Variants in TRPM1 observed in about 807,000 individuals in gnomAD.
The protein encoded by TRPM1 is transient receptor potential cation channel subfamily M member 1.
In TRPM1, 113 loss-of-function variants were observed where a neutral mutation model predicts 149.4. That is an observed-to-expected ratio of 0.76 (90% CI 0.65 to 0.88). The LOEUF (loss-of-function observed/expected upper bound fraction) is 0.88. Among genes scored for constraint, TRPM1 ranks in the 40% least tolerant of loss-of-function variants. The pLI is 0.00. For synonymous variants in TRPM1, 741 were observed against 759.5 expected, an observed-to-expected ratio of 0.98 and a Z score of 0.40; for missense variants, 1,976 against 2,038.7, an observed-to-expected ratio of 0.97 and a Z score of 0.59.
chr15:31,104,876 G>C (rs572588141), upstream of TRPM1, among the ~76,000 whole-genome samples: 17 of 152,164 alleles, frequency 1.1e-4, no homozygotes, highest in South Asian at 2.1e-4. Flanking sequence ...TTACAGGTGT[G>C]AGCCACCATG....
chr15:31,124,272 G>A (rs775632456), intron 1 of TRPM1, among the ~76,000 whole-genome samples: 5 of 151,342 alleles, frequency 3.3e-5, no homozygotes, highest in Non-Finnish European at 7.4e-5. Context: ...ATGACAGAGT[G>A]AGACTCCGTC....
intron 2 of TRPM1, among the ~76,000 whole-genome samples, chr15:31,078,312 G>A (rs975782907): frequency 7.9e-5 from 12 of 152,124 alleles, no homozygotes; most frequent in African/African-American, 2.7e-4. Flanking sequence ...GAGGCCCTCC[G>A]CAGAGAGGTC....
At chr15:31,127,158 T>C (rs567417542) in intron 1 of TRPM1, among the ~76,000 whole-genome samples, 2 of 152,324 alleles carry the variant, frequency 1.3e-5, no homozygotes, top group Admixed American at 6.5e-5. Flanking sequence ...TCATTCCTTC[T>C]GGGTTTCTAG....
Position 31,047,216 on chromosome 15 carries a change from T to G in TRPM1, c.1659A>C (p.Ile553=). Residue 553 remains isoleucine, a synonymous_variant, in exon 15 of 28, where the codon ATA becomes ATC. Coordinates refer to ENST00000256552, the MANE Select transcript of TRPM1 (RefSeq NM_001252024.2). The stretch of plus-strand genomic sequence containing the variant: ...GGTACTCCAGCACGAGCCCGATGTC[T>G]ATGAGGCTGATGTGGTAATCAGGCG... The part of the protein sequence containing the change: ...NLPPDYHISL[I]DIGLVLEYLM... 1 of 1,614,200 alleles carries G rather than the reference T, an allele frequency of 6.2e-7. No homozygotes were observed. Among genetic ancestry groups the G allele is most frequent in the Non-Finnish European group, 8.5e-7 (1 of 1,180,040 alleles).
At chr15:31,118,249 C>A (rs2035829533) in intron 1 of TRPM1, among the ~76,000 whole-genome samples, 1 of 152,004 alleles carries the variant, frequency 6.6e-6, no homozygotes, top group South Asian at 2.1e-4. Flanking sequence ...CAGAGCCAGA[C>A]CCTGTCTCAA....
At chr15:31,101,476 G>T (rs1028688293) in intron 1 of TRPM1, among the ~76,000 whole-genome samples, 181 bp downstream of exon 1, 2 of 152,218 alleles carry the variant, frequency 1.3e-5, no homozygotes, top group Non-Finnish European at 2.9e-5. Flanking sequence ...GCACACCTGA[G>T]CTTGCCTGCA....
At chr15:31,003,206 C>A in intron 27 of TRPM1, 136 bp from the exon 28 acceptor site, 1 of 779,116 alleles carries the variant, frequency 1.3e-6, no homozygotes. Context: ...ACAAGCTTCA[C>A]AATCCCCTAA....
At chr15:31,125,256 T>C (rs1329084681) in intron 1 of TRPM1, among the ~76,000 whole-genome samples, 1 of 152,172 alleles carries the variant, frequency 6.6e-6, no homozygotes, top group East Asian at 1.9e-4. Context: ...AACTCTGGGC[T>C]TCAGTTAATA....
rs140548001 is a variant in TRPM1 at position 31,031,121 on chromosome 15, C to T, written c.2989G>A (p.Val997Ile). The change falls in exon 23 of 28, where the codon GTC (valine) becomes ATC (isoleucine). Residue 997 changes from valine to isoleucine, a missense_variant. Physicochemically the swap from Val to Ile is conservative, Grantham distance 29. Coordinates refer to ENST00000256552, the MANE Select transcript of TRPM1 (RefSeq NM_001252024.2). The part of the protein sequence containing the change: ...DMLYFVVIML[V>I]VLMSFGVARQ... ...GCTACTCCGAAACTCATGAGCACGA[C>T]CAGCATGATGACCACAAAGTACAGC... The T allele has an allele frequency of 3.5e-5, 57 of 1,614,178 alleles. No individual in the cohort carries two copies. In the African/African-American group the frequency reaches 6.7e-4, roughly 19 times the overall value.
chr15:31,068,706 T>TG (rs923623130), intron 4 of TRPM1, among the ~76,000 whole-genome samples: 12 of 136,020 alleles, frequency 8.8e-5, no homozygotes, highest in African/African-American at 3.4e-4. Flanking sequence ...ATTGAGCCAT[T>TG]GCATTCCAGC....
intron 1 of TRPM1, among the ~76,000 whole-genome samples, chr15:31,158,915 T>C (rs982826915): frequency 6.6e-6 from 1 of 152,128 alleles, no homozygotes; most frequent in Non-Finnish European, 1.5e-5. Flanking sequence ...TGGGTCTGTT[T>C]AGTAAACATT....
Position 31,088,324 on chromosome 15 carries a change from C to T in TRPM1, c.-83-6886G>A, listed in dbSNP as rs188845557. ...CCAGCGCCAGCCCTGGCAATCCGCT[C>T]GGGTCTCCTTATTGGTTGTGGAAGC... On this transcript the variant is annotated intron_variant, in intron 1 of 27. Coordinates refer to ENST00000256552, the MANE Select transcript of TRPM1 (RefSeq NM_001252024.2). 2.3e-4 allele frequency among the ~76,000 whole-genome samples: 35 copies of T among 152,324 alleles called. No individual in the cohort carries two copies. In the East Asian group the frequency reaches 3.5e-3, roughly 15 times the overall value.
In TRPM1 at chr15:31,002,061, T is replaced by C. The variant is rs769858508; in HGVS notation, c.4639A>G (p.Ile1547Val). The C allele has an allele frequency of 6.8e-6, 11 of 1,614,212 alleles. No homozygotes were observed. Among genetic ancestry groups the C allele is most frequent in the African/African-American group, 1.3e-5 (1 of 75,048 alleles). The change falls in exon 28 of 28, where the codon ATT (isoleucine) becomes GTT (valine). Residue 1547 changes from isoleucine (I) to valine (V), a missense_variant. By Grantham distance (29) the Ile-to-Val change is conservative (BLOSUM62 3). This residue lies in a region of TRPM1 where 572 missense variants were observed against 578.9 expected (regional missense o/e 0.99). Coordinates refer to ENST00000256552, the MANE Select transcript of TRPM1 (RefSeq NM_001252024.2). Reference sequence around the variant, plus strand: ...TTTTCCATCCCATTTCTGTCAGTAATGGTTAGGGACAAGCGAGGGATTCGA... The same window carrying C: ...TTTTCCATCCCATTTCTGTCAGTAACGGTTAGGGACAAGCGAGGGATTCGA... ...IPRIPRLSLT[I>V]TDRNGMENLL...
upstream of TRPM1, among the ~76,000 whole-genome samples, chr15:31,102,709 C>T (rs78431171): frequency 2.5e-4 from 38 of 152,314 alleles, 1 homozygote; most frequent in East Asian, 6.0e-3. Flanking sequence ...GAACTTCTGA[C>T]GGAAGCACAT....
intron 18 of TRPM1, 149 bp from the exon 19 acceptor site, chr15:31,038,315 G>T: frequency 1.1e-6 from 1 of 920,138 alleles, no homozygotes; most frequent in Non-Finnish European, 1.6e-6. Context: ...TGTGACATGT[G>T]CTTGGTAAAT....
intron 1 of TRPM1, among the ~76,000 whole-genome samples, chr15:31,113,626 T>C (rs986505911): frequency 3.9e-5 from 6 of 152,178 alleles, no homozygotes; most frequent in Non-Finnish European, 8.8e-5. Flanking sequence ...CATAGCACTT[T>C]ACTGTACAAA....
In TRPM1 at chr15:31,049,264, AC is replaced by A. The variant is rs1416870746; in HGVS notation, c.1572+110del. The A allele has an allele frequency of 2.0e-6, 3 of 1,516,604 alleles. No homozygotes were observed. The African/African-American group carries it at 4.1e-5, about 21-fold the overall frequency. The allele number at this position is 1,516,604 out of a possible 1,614,324, so 93.9% of individuals were successfully genotyped here. A position where few individuals can be genotyped will look rare whatever the true frequency, so the allele number is the denominator to read the frequency against. ...AGTAGCCGCCTGCCATTAAGTACGG[AC>A]CTCCCAGCTGAAGGAGGTCAGATGA... On this transcript the variant is annotated intron_variant, in intron 13 of 27. Transcript: ENST00000256552.
chr15:31,123,073 A>G (rs1391253473), intron 1 of TRPM1, among the ~76,000 whole-genome samples: 1 of 152,252 alleles, frequency 6.6e-6, no homozygotes, highest in Non-Finnish European at 1.5e-5. Flanking sequence ...CAAAGGAGCA[A>G]AGGCAATCCA....
rs1432371546 is a variant in TRPM1, at chr15:31,032,767, G to T, written c.2874C>A (p.Ile958=). 4.3e-6 allele frequency: 7 copies of T among 1,614,074 alleles called. No homozygotes were observed. Among genetic ancestry groups the T allele is most frequent in the Admixed American group, 1.7e-5 (1 of 60,004 alleles). The change falls in exon 22 of 28, where the codon ATC becomes ATA. Residue 958 remains isoleucine, a synonymous_variant. Coordinates refer to ENST00000256552, the MANE Select transcript of TRPM1 (RefSeq NM_001252024.2). ...TGTCCAGGACACGGATGTACCAGAA[G>T]ATGATATCCACACAGTAGATCACCC... is the stretch of plus-strand genomic sequence containing the variant. The part of the protein sequence containing the change: ...YGRVIYCVDI[I]FWYIRVLDIF...
Sources: allele counts gnomAD v4.1 joint callset (sites outside exome capture counted in the v4.1 genomes callset), GRCh38; gene constraint gnomAD v4.1.1; regional missense constraint gnomAD v4.1.1; transcripts MANE v1.5; gene names NCBI Gene and HGNC (gene_info 2026-07-23, HGNC 2026-07-21).